AXDND1: variants seen among roughly 807,000 people sequenced by gnomAD.
The protein encoded by AXDND1 is axonemal dynein light chain domain-containing protein 1.
AXDND1 carries 110 observed loss-of-function variants against 137.5 expected under a neutral mutation model. The observed-to-expected ratio is 0.80, with a 90% CI of 0.69 to 0.94. The LOEUF (loss-of-function observed/expected upper bound fraction) is 0.94, where lower values mean the gene tolerates loss of function less well. AXDND1 is among the 40% of genes least tolerant of loss of function. AXDND1 has a pLI of 0.00. For synonymous variants in AXDND1, 414 were observed against 399.7 expected (o/e 1.04, Z -0.43); for missense variants, 1,191 against 1,169.8 (o/e 1.02, Z -0.26).
At chr1:179,407,774 T>C (rs1294528584) in intron 11 of AXDND1, among the ~76,000 whole-genome samples, 1 of 152,226 alleles carries the variant, frequency 6.6e-6, no homozygotes, top group Non-Finnish European at 1.5e-5. Context: ...GCTTCTTGTA[T>C]CTGGATGTCT....
Position 179,406,065 on chromosome 1 carries a change from A to T in AXDND1, c.1110-5081A>T, listed in dbSNP as rs868026132. Among the ~76,000 whole-genome samples, 17 of 152,124 alleles carry T rather than the reference A, an allele frequency of 1.1e-4. No homozygotes were observed. In the South Asian group the frequency reaches 3.5e-3, roughly 32 times the overall value. On this transcript the variant is annotated intron_variant, in intron 11 of 25. Transcript: ENST00000367618. ...CATTATCCCATAGGCCTTGTGCTTCATTTGTTTCAAGACATTTAAAAATTT... is the reference window on the plus strand; with the variant it reads ...CATTATCCCATAGGCCTTGTGCTTCTTTTGTTTCAAGACATTTAAAAATTT...
chr1:179,401,808 C>G (rs1016018280), intron 11 of AXDND1, among the ~76,000 whole-genome samples: 4 of 152,090 alleles, frequency 2.6e-5, no homozygotes, highest in Non-Finnish European at 5.9e-5. Flanking sequence ...CTTTCACCTT[C>G]CACCATGATT....
intron 4 of AXDND1, among the ~76,000 whole-genome samples, chr1:179,371,883 C>T (rs1668073531): frequency 6.6e-6 from 1 of 152,174 alleles, no homozygotes; most frequent in South Asian, 2.1e-4. Flanking sequence ...ACAGGGATTG[C>T]AGTCTTACAA....
At chr1:179,518,410 TTCGG>T (rs1279875463) in intron 21 of AXDND1, among the ~76,000 whole-genome samples, 1 of 149,848 alleles carries the variant, frequency 6.7e-6, no homozygotes, top group East Asian at 2.0e-4. Context: ...GACTTTTAAG[TTCGG>T]GGTACATGTG....
intron 25 of AXDND1, among the ~76,000 whole-genome samples, chr1:179,536,685 G>A (rs1419614904): frequency 6.6e-6 from 1 of 152,094 alleles, no homozygotes; most frequent in Non-Finnish European, 1.5e-5. Flanking sequence ...GGCTTGTCTT[G>A]GCTCTGTGCA....
chr1:179,379,144 G>A (rs1163924474), intron 5 of AXDND1, among the ~76,000 whole-genome samples: 1 of 152,102 alleles, frequency 6.6e-6, no homozygotes, highest in Non-Finnish European at 1.5e-5. Context: ...ATAAACTTCT[G>A]AATATATGGG....
chr1:179,477,126 C>T (rs141591274), intron 17 of AXDND1, among the ~76,000 whole-genome samples: 4 of 152,096 alleles, frequency 2.6e-5, no homozygotes, highest in African/African-American at 7.2e-5. Context: ...CTGTTGAGCC[C>T]TAGTAGTGAT....
intron 18 of AXDND1, among the ~76,000 whole-genome samples, chr1:179,487,995 CAAAAAAA>C (rs71114524): frequency 0.6 from 61,256 of 101,498 alleles, 17,122 homozygotes; most frequent in East Asian, 0.78. Context: ...GACCATGTCT[CAAAAAAA>C]AAAAAAAAAA....
intron 16 of AXDND1, among the ~76,000 whole-genome samples, chr1:179,460,345 A>G (rs561657043): frequency 6.6e-6 from 1 of 152,250 alleles, no homozygotes; most frequent in Admixed American, 6.5e-5. Flanking sequence ...TTCCAGCTTC[A>G]TCCATGTCCC....
rs374382720 is a variant in AXDND1 at position 179,534,907 on chromosome 1, A to G, written c.2976A>G (p.Gln992=). 4.4e-6 allele frequency: 7 copies of G among 1,609,146 alleles called. No individual in the cohort carries two copies. Among genetic ancestry groups the G allele is most frequent in the Non-Finnish European group, 5.9e-6 (7 of 1,178,678 alleles). The change falls in exon 25 of 26, where the codon CAA becomes CAG. Residue 992 remains glutamine, a synonymous_variant. Transcript: ENST00000367618. ...GAGAAGTAAAAGAAGAAGAAGAACA[A>G]CAAGAAGAAGAAGAAGTCAGGTCAG... The part of the protein sequence containing the change: ...DEREVKEEEE[Q]QEEEEVRSAE...
intron 16 of AXDND1, among the ~76,000 whole-genome samples, chr1:179,458,497 G>A (rs12725126): frequency 0.23 from 35,077 of 151,678 alleles, 4,377 homozygotes; most frequent in East Asian, 0.35. Context: ...AGGTGCAAAC[G>A]TTCTAAATAA....
intron 17 of AXDND1, among the ~76,000 whole-genome samples, chr1:179,470,191 CA>C (rs1663751353): frequency 6.6e-6 from 1 of 152,140 alleles, no homozygotes; most frequent in Non-Finnish European, 1.5e-5. Context: ...GTGTCAGTAA[CA>C]CACTGTCTTG....
At chr1:179,437,401 C>T (rs556825263) in intron 15 of AXDND1, among the ~76,000 whole-genome samples, 1 of 152,294 alleles carries the variant, frequency 6.6e-6, no homozygotes, top group Non-Finnish European at 1.5e-5. Context: ...CAGTAGGTAA[C>T]TTCAAGGAGC....
intron 18 of AXDND1, among the ~76,000 whole-genome samples, 197 bp downstream of exon 18, chr1:179,483,418 A>G (rs1347352111): frequency 6.6e-6 from 1 of 152,248 alleles, no homozygotes; most frequent in African/African-American, 2.4e-5. Flanking sequence ...GAAGTTTTGC[A>G]ATTGAAGAGT....
At chr1:179,485,985 G>C (rs1275421399) in intron 18 of AXDND1, among the ~76,000 whole-genome samples, 1 of 151,950 alleles carries the variant, frequency 6.6e-6, no homozygotes, top group Non-Finnish European at 1.5e-5. Context: ...TAGGCATGGT[G>C]GTGGGCACCT....
intron 25 of AXDND1, among the ~76,000 whole-genome samples, chr1:179,540,696 T>A (rs1243342679): frequency 6.6e-6 from 1 of 151,676 alleles, no homozygotes; most frequent in Non-Finnish European, 1.5e-5. Context: ...GGAGGCAGTC[T>A]GTCTGTTATC....
At chr1:179,505,473 T>G (rs1248128719) in intron 20 of AXDND1, among the ~76,000 whole-genome samples, 1 of 151,702 alleles carries the variant, frequency 6.6e-6, no homozygotes, top group Non-Finnish European at 1.5e-5. Context: ...GCCAACATGG[T>G]GAAACTGTGT....
At chr1:179,550,424 A>G (rs1271643732) in intron 25 of AXDND1, 7 of 152,220 alleles carry the variant, frequency 4.6e-5, no homozygotes, top group African/African-American at 1.7e-4. Context: ...AAAATAGATT[A>G]CTCTCTGGCC....
At chr1:179,431,282 C>T (rs1305652027) in intron 14 of AXDND1, among the ~76,000 whole-genome samples, 1 of 152,160 alleles carries the variant, frequency 6.6e-6, no homozygotes, top group African/African-American at 2.4e-5. Context: ...GCTGGGATTA[C>T]AGGCATGCGC....
Sources: allele counts gnomAD v4.1 joint callset (sites outside exome capture counted in the v4.1 genomes callset), GRCh38; gene constraint gnomAD v4.1.1; transcripts MANE v1.5; gene names NCBI Gene and HGNC (gene_info 2026-07-23, HGNC 2026-07-21).